TAFA1: variants seen among roughly 807,000 people sequenced by gnomAD.
TAFA1 encodes the protein TAFA chemokine like family member 1.
TAFA1 carries 4 observed loss-of-function variants against 18.5 expected under a neutral mutation model. The ratio of observed to expected loss-of-function variants is 0.22; its 90% CI spans 0.11 to 0.49. TAFA1 has a LOEUF of 0.49. Ranked by LOEUF, TAFA1 falls within the 20% of genes least tolerant of loss-of-function variation. The pLI, the probability that TAFA1 is intolerant of heterozygous loss-of-function variation, is 0.98. For missense variants in TAFA1, 147 were observed against 169.0 expected, an observed-to-expected ratio of 0.87 and a Z score of 0.72; for synonymous variants, 56 against 55.2, an observed-to-expected ratio of 1.01 and a Z score of -0.06.
At chr3:68,269,240 G>T (rs530554104) in intron 2 of TAFA1, among the ~76,000 whole-genome samples, 16 of 152,092 alleles carry the variant, frequency 1.1e-4, no homozygotes, top group Non-Finnish European at 2.4e-4. Flanking sequence ...GATTGCTTGA[G>T]GCCGGGAGTT....
At chr3:68,340,822 T>G (rs1010546868) in intron 2 of TAFA1, among the ~76,000 whole-genome samples, 7 of 152,188 alleles carry the variant, frequency 4.6e-5, no homozygotes, top group African/African-American at 1.7e-4. Flanking sequence ...AGTTACAATT[T>G]AATGAGGAAG....
chr3:68,038,956 A>G (rs1212742470), intron 2 of TAFA1, among the ~76,000 whole-genome samples: 1 of 152,112 alleles, frequency 6.6e-6, no homozygotes, highest in Non-Finnish European at 1.5e-5. Flanking sequence ...TGTCACCCAT[A>G]TCTGCATTTT....
chr3:68,371,833 C>A lies in TAFA1; in HGVS notation c.119-45447C>A, dbSNP rs566345058. ...TTAGAGAATGTTGAGAACTGGTGAGCACACACTGTTTTTAATTGGGAATGG... is the reference window on the plus strand; with the variant it reads ...TTAGAGAATGTTGAGAACTGGTGAGAACACACTGTTTTTAATTGGGAATGG... On this transcript the variant is annotated intron_variant, in intron 2 of 4. Transcript: ENST00000478136. Among the ~76,000 whole-genome samples the A allele has an allele frequency of 7.0e-4, 107 of 152,270 alleles. 1 individual carries two copies. Among genetic ancestry groups the A allele is most frequent in the African/African-American group, 2.4e-3 (100 of 41,556 alleles).
rs539698602 is a variant in TAFA1, at chr3:68,187,691, T to C, written c.118+180947T>C. Among the ~76,000 whole-genome samples the C allele has an allele frequency of 3.3e-5, 5 of 152,174 alleles. No homozygotes were observed. The East Asian group carries it at 9.7e-4, about 30-fold the overall frequency. On this transcript the variant is annotated intron_variant, in intron 2 of 4. Transcript: ENST00000478136. ...AAGCACATACCTGGGAGTGGGATTTTGGATCATCATATGCAAAGCAGTGTT... is the reference window on the plus strand; with the variant it reads ...AAGCACATACCTGGGAGTGGGATTTCGGATCATCATATGCAAAGCAGTGTT...
rs145664024 is a variant in TAFA1 at position 68,292,994 on chromosome 3, G to A, written c.119-124286G>A. ...TCTCTCATGAATTCTCAAAAGCTAC[G>A]TATTCAATCCTGTACCTTTTTTAGA... is the stretch of plus-strand genomic sequence containing the variant. On this transcript the variant is annotated intron_variant, in intron 2 of 4. Transcript: ENST00000478136. Among the ~76,000 whole-genome samples, 122 of 151,946 alleles carry A rather than the reference G, an allele frequency of 8.0e-4. 1 individual carries two copies. The highest frequency in any genetic ancestry group is 1.4e-3 in the Non-Finnish European group (98 of 67,976).
Position 68,094,019 on chromosome 3 carries a change from C to T in TAFA1, c.118+87275C>T, listed in dbSNP as rs144502431. On this transcript the variant is annotated intron_variant, in intron 2 of 4. Coordinates refer to ENST00000478136, the MANE Select transcript of TAFA1 (RefSeq NM_213609.4). ...CAAAACTATTTTCATGTTATGGACTCAAAATAAATCTAATTTGACAGTCAA... is the reference window on the plus strand; with the variant it reads ...CAAAACTATTTTCATGTTATGGACTTAAAATAAATCTAATTTGACAGTCAA... Among the ~76,000 whole-genome samples, 566 of 152,128 alleles carry T rather than the reference C, an allele frequency of 3.7e-3. 5 individuals carry two copies. Among genetic ancestry groups the T allele is most frequent in the African/African-American group, 0.013 (530 of 41,504 alleles).
intron 3 of TAFA1, among the ~76,000 whole-genome samples, chr3:68,460,264 G>A (rs2071749480): frequency 6.6e-6 from 1 of 152,116 alleles, no homozygotes; most frequent in African/African-American, 2.4e-5. Context: ...GGAAACTTTA[G>A]AGCATCCTGT....
chr3:68,460,044 G>T (rs1354803367), intron 3 of TAFA1, among the ~76,000 whole-genome samples: 1 of 152,024 alleles, frequency 6.6e-6, no homozygotes, highest in African/African-American at 2.4e-5. Flanking sequence ...ATTACTTTAT[G>T]GTTGTTCCTT....
At position 68,293,709 on chromosome 3, in the gene TAFA1, T is replaced by C. The variant is rs1397664475; in HGVS notation, c.119-123571T>C. Among the ~76,000 whole-genome samples, 3 of 152,186 alleles carry C rather than the reference T, an allele frequency of 2.0e-5. No homozygotes were observed. The East Asian group carries it at 5.8e-4, about 29-fold the overall frequency. On this transcript the variant is annotated intron_variant, in intron 2 of 4. Transcript: ENST00000478136. ...CTCTTCATAACGCATTTGTATTTAATATCTTAGGTTTTTCAGCAGAAACAG... is the reference window on the plus strand; with the variant it reads ...CTCTTCATAACGCATTTGTATTTAACATCTTAGGTTTTTCAGCAGAAACAG...
At chr3:68,085,084 T>C (rs982067766) in intron 2 of TAFA1, among the ~76,000 whole-genome samples, 1 of 152,188 alleles carries the variant, frequency 6.6e-6, no homozygotes, top group Admixed American at 6.5e-5. Flanking sequence ...AATATAGAAA[T>C]GATAAAATGG....
At chr3:68,478,481 C>G (rs540516255) in intron 3 of TAFA1, among the ~76,000 whole-genome samples, 2 of 152,270 alleles carry the variant, frequency 1.3e-5, no homozygotes, top group African/African-American at 4.8e-5. Flanking sequence ...GGGATCATGT[C>G]TCAATGAATA....
chr3:68,376,287 A>G (rs112303890), intron 2 of TAFA1, among the ~76,000 whole-genome samples: 4,912 of 150,946 alleles, frequency 0.033, 106 homozygotes, highest in East Asian at 0.093. Flanking sequence ...AGGGGTACAT[A>G]TGCAGGTTTG....
chr3:68,057,314 C>G (rs1159773713), intron 2 of TAFA1, among the ~76,000 whole-genome samples: 2 of 152,182 alleles, frequency 1.3e-5, no homozygotes, highest in Non-Finnish European at 2.9e-5. Context: ...TGTATTCACC[C>G]AAGGCCAGCT....
intron 3 of TAFA1, among the ~76,000 whole-genome samples, chr3:68,535,338 T>C (rs760974058): frequency 3.3e-5 from 5 of 151,850 alleles, no homozygotes; most frequent in African/African-American, 4.8e-5. Context: ...AATCTTCCTT[T>C]ACTTCCTTTA....
intron 2 of TAFA1, among the ~76,000 whole-genome samples, chr3:68,289,243 G>C (rs1374703035): frequency 1.3e-5 from 2 of 152,054 alleles, no homozygotes; most frequent in African/African-American, 4.8e-5. Flanking sequence ...ATTAACAAAA[G>C]CCCACTATAT....
chr3:68,323,381 G>C (rs1475287559), intron 2 of TAFA1, among the ~76,000 whole-genome samples: 1 of 152,174 alleles, frequency 6.6e-6, no homozygotes. Context: ...GGAAAGAGGA[G>C]CCAACACAAA....
chr3:68,211,135 C>A (rs76159617), intron 2 of TAFA1, among the ~76,000 whole-genome samples: 92 of 152,106 alleles, frequency 6.0e-4, no homozygotes, highest in Non-Finnish European at 1.3e-3. Flanking sequence ...TATTTTATGA[C>A]CTAGCCTCGA....
At chr3:68,315,190 G>C (rs1403938915) in intron 2 of TAFA1, among the ~76,000 whole-genome samples, 1 of 152,004 alleles carries the variant, frequency 6.6e-6, no homozygotes, top group East Asian at 1.9e-4. Flanking sequence ...TGAGCAATTA[G>C]ATTTTATGCT....
chr3:68,475,558 A>G (rs959436062), intron 3 of TAFA1, among the ~76,000 whole-genome samples: 3 of 152,070 alleles, frequency 2.0e-5, no homozygotes, highest in African/African-American at 4.8e-5. Flanking sequence ...CCAGTCTATC[A>G]TTGTTGGACA....
Sources: allele counts gnomAD v4.1 joint callset (sites outside exome capture counted in the v4.1 genomes callset), GRCh38; gene constraint gnomAD v4.1.1; transcripts MANE v1.5; gene names NCBI Gene and HGNC (gene_info 2026-07-23, HGNC 2026-07-21).